The following PEX11B variants were observed in gnomAD, a reference collection of about 807,000 sequenced individuals.
PEX11B encodes the protein peroxisomal biogenesis factor 11 beta, also known as peroxisomal membrane protein 11B.
In PEX11B, 18 loss-of-function variants were observed where a neutral mutation model predicts 28.2. The ratio of observed to expected loss-of-function variants is 0.64; its 90% CI spans 0.44 to 0.95. The LOEUF (loss-of-function observed/expected upper bound fraction) is 0.95. Ranked by LOEUF, PEX11B falls within the 40% of genes least tolerant of loss-of-function variation. The probability of loss-of-function intolerance (pLI) is 0.00; values close to 1 mark genes in which losing one functional copy is unlikely to be tolerated. For missense variants in PEX11B, 305 were observed against 319.8 expected, an observed-to-expected ratio of 0.95 and a Z score of 0.35; for synonymous variants, 128 against 128.7, an observed-to-expected ratio of 0.99 and a Z score of 0.04.
chr1:145,914,542 T>C (rs2101859279), intron 3 of PEX11B, among the ~76,000 whole-genome samples: 1 of 152,344 alleles, frequency 6.6e-6, no homozygotes, highest in East Asian at 1.9e-4. Flanking sequence ...ATCATTATGC[T>C]CCAACCATGT....
intron 2 of PEX11B, 137 bp downstream of exon 2, chr1:145,917,564 A>G (rs1336252843): frequency 6.2e-6 from 4 of 647,818 alleles, no homozygotes; most frequent in East Asian, 2.6e-5. Context: ...TCTTATCTCA[A>G]CTGGACTCAT....
rs1553754289 is a variant in PEX11B at position 145,918,412 on chromosome 1, C to T, written c.56+221G>A. ...TGGACACAGCAACCCTGAGCGGCCT[C>T]CCCGCTGGCCCACTCATGCCTCAGT... is the stretch of plus-strand genomic sequence containing the variant. On this transcript the variant is annotated intron_variant, in intron 1 of 3. Coordinates refer to ENST00000369306, the MANE Select transcript of PEX11B (RefSeq NM_003846.3). 2.6e-6 allele frequency: 4 copies of T among 1,536,150 alleles called. No individual in the cohort carries two copies. In the South Asian group the frequency reaches 4.8e-5, roughly 18 times the overall value.
rs374655180 is a variant in PEX11B at position 145,912,180 on chromosome 1, C to T, written c.761G>A (p.Trp254Ter). ...ILSILTLIYP[W>*]LRLKP The stretch of plus-strand genomic sequence containing the variant: ...GGAAGGTCAGGGCTTGAGTCGTAGC[C>T]AGGGATAGATTAGGGTGAGAATAGA... Residue 254 changes from tryptophan to a stop codon, truncating the protein, a stop_gained, in exon 4 of 4, where the codon TGG (tryptophan) becomes TAG (stop). Coordinates refer to ENST00000369306, the MANE Select transcript of PEX11B (RefSeq NM_003846.3). LOFTEE classifies it high-confidence loss of function. 6.2e-7 allele frequency: 1 copy of T among 1,608,306 alleles called. No homozygotes were observed. The highest frequency in any genetic ancestry group is 1.1e-5 in the South Asian group (1 of 90,258).
rs1647550692 is a variant in PEX11B, at chr1:145,918,518, G to A, written c.56+115C>T. The A allele has an allele frequency of 3.2e-6, 5 of 1,539,764 alleles. No individual in the cohort carries two copies. The Admixed American group carries it at 9.8e-5, about 30-fold the overall frequency. ...CGCCTCACGGTCCGTTCGGGCCCCC[G>A]TAGCCGGAGTTGACCCTTCTTGACC... is the stretch of plus-strand genomic sequence containing the variant. On this transcript the variant is annotated intron_variant, in intron 1 of 3. Transcript: ENST00000369306.
In PEX11B at chr1:145,916,865, C is replaced by T. The variant is rs1406489908; in HGVS notation, c.326G>A (p.Gly109Glu). ...CDNVLWAGKS[G>E]LAPRVDQEKW... is the part of the protein sequence containing the mutation. ...CTCCTGATCCACACGGGGAGCCAGT[C>T]CAGACTTTCCAGCCCACAGGACATT... The change falls in exon 3 of 4, where the codon GGA becomes GAA. Residue 109 changes from glycine (G) to glutamate (E), a missense_variant. Transcript: ENST00000369306. The T allele has an allele frequency of 6.8e-6, 11 of 1,613,966 alleles. No individual in the cohort carries two copies. In the African/African-American group the frequency reaches 1.5e-4, roughly 22 times the overall value.
Position 145,912,353 on chromosome 1 carries a change from G to C in PEX11B, c.588C>G (p.Leu196=), listed in dbSNP as rs587729353. 2.5e-5 allele frequency: 40 copies of C among 1,613,444 alleles called. No homozygotes were observed. Among genetic ancestry groups the C allele is most frequent in the Non-Finnish European group, 3.0e-5 (35 of 1,179,760 alleles). Residue 196 remains leucine, a synonymous_variant, in exon 4 of 4, where the codon CTC becomes CTG. Transcript: ENST00000369306. ...LALKLRLQVL[L]LARVLRGHPP... is the part of the protein sequence containing the mutation. ...GATGACCTCTAAGGACTCGAGCCAG[G>C]AGCAGGACTTGCAGCCGAAGTTTCA... is the stretch of plus-strand genomic sequence containing the variant.
In PEX11B at chr1:145,918,630, C is replaced by A. The variant is rs1394565093; in HGVS notation, c.56+3G>T. ...CCCACCCCCATTCCTATTCGGGCCG[C>A]ACCTACACAGCCGCTCCCGGGCTTG... On this transcript the variant is annotated splice_donor_region_variant and intron_variant, in intron 1 of 3. Coordinates refer to ENST00000369306, the MANE Select transcript of PEX11B (RefSeq NM_003846.3). 6 of 1,593,946 alleles carry A rather than the reference C, an allele frequency of 3.8e-6. No individual in the cohort carries two copies. Among genetic ancestry groups the A allele is most frequent in the Non-Finnish European group, 3.4e-6 (4 of 1,171,358 alleles).
At chr1:145,913,147 G>A (rs1471391643) in intron 3 of PEX11B, among the ~76,000 whole-genome samples, 3 of 151,982 alleles carry the variant, frequency 2.0e-5, no homozygotes, top group African/African-American at 7.2e-5. Context: ...GTTGCCAGGG[G>A]TTGGGGAGTG....
At chr1:145,915,588 C>T (rs587756210) in intron 3 of PEX11B, among the ~76,000 whole-genome samples, 82 of 152,094 alleles carry the variant, frequency 5.4e-4, no homozygotes, top group African/African-American at 1.8e-3. Flanking sequence ...TAGGGCATCT[C>T]CTCCTCTCTT....
At chr1:145,918,072 G>A in intron 1 of PEX11B, 1 of 985,070 alleles carries the variant, frequency 1.0e-6, no homozygotes. Context: ...AGGCCTGAAG[G>A]GGCCAGTGCA....
In PEX11B at chr1:145,916,976, T is replaced by C. The variant is rs782638912; in HGVS notation, c.215A>G (p.Lys72Arg). The C allele has an allele frequency of 6.2e-7, 1 of 1,613,946 alleles. No individual in the cohort carries two copies. The highest frequency in any genetic ancestry group is 8.5e-7 in the Non-Finnish European group (1 of 1,179,818). ...AACATCTGATAGGTGAACAGCTCTT[T>C]TGGCTGACTCAAGGGCATCTGCTGA... The part of the protein sequence containing the change: ...GNSADALESA[K>R]RAVHLSDVVL... The change falls in exon 3 of 4, where the codon AAA becomes AGA. Residue 72 changes from lysine (K) to arginine (R), a missense_variant. Physicochemically the swap from Lys to Arg is conservative, Grantham distance 26 (BLOSUM62 2). Transcript: ENST00000369306.
At chr1:145,918,143 G>A in intron 1 of PEX11B, 1 of 985,478 alleles carries the variant, frequency 1.0e-6, no homozygotes. Flanking sequence ...ATGAGGGGGA[G>A]GCAGACAGTT....
intron 3 of PEX11B, 40 bp downstream of exon 3, chr1:145,916,777 G>C (rs200846936): frequency 1.1e-4 from 149 of 1,401,226 alleles, no homozygotes; most frequent in Non-Finnish European, 1.5e-4. Context: ...CAATATAGAG[G>C]CTACAAAAAA....
At chr1:145,915,028 C>T (rs587747848) in intron 3 of PEX11B, among the ~76,000 whole-genome samples, 10 of 152,252 alleles carry the variant, frequency 6.6e-5, no homozygotes, top group African/African-American at 2.4e-4. Flanking sequence ...CTCAACCTCC[C>T]GAGTAGCTGG....
rs1170451230 is a variant in PEX11B at position 145,918,673 on chromosome 1, G to A, written c.16C>T (p.Arg6Cys). 5 of 1,580,394 alleles carry A rather than the reference G, an allele frequency of 3.2e-6. No homozygotes were observed. The African/African-American group carries it at 4.1e-5, about 13-fold the overall frequency. Residue 6 changes from arginine (R) to cysteine (C), a missense_variant, in exon 1 of 4, where the codon CGC becomes TGC. By Grantham distance (180) the Arg-to-Cys change is radical. Transcript: ENST00000369306. MDAWVRFSAQSQARER... is the reference protein window; with the variant it reads MDAWVCFSAQSQARER... ...CGGGCTTGGCTCTGAGCACTGAAGC[G>A]GACCCAGGCGTCCATGACAGCCGCA...
At chr1:145,913,317 A>G (rs1657889675) in intron 3 of PEX11B, among the ~76,000 whole-genome samples, 1 of 152,144 alleles carries the variant, frequency 6.6e-6, no homozygotes, top group Non-Finnish European at 1.5e-5. Context: ...TCTTACCATA[A>G]AAGAAAAAAG....
At chr1:145,916,685 A>AT in intron 3 of PEX11B, 132 bp downstream of exon 3, 1 of 653,970 alleles carries the variant, frequency 1.5e-6, no homozygotes, top group Admixed American at 2.7e-5. Context: ...GATCTAAGTG[A>AT]TTGGAAGCCA....
rs1366176211 is a variant in PEX11B at position 145,918,402 on chromosome 1, T to C, written c.56+231A>G. Reference sequence around the variant, plus strand: ...CGGTCTTATGTGGACACAGCAACCCTGAGCGGCCTCCCCGCTGGCCCACTC... The same window carrying C: ...CGGTCTTATGTGGACACAGCAACCCCGAGCGGCCTCCCCGCTGGCCCACTC... On this transcript the variant is annotated intron_variant, in intron 1 of 3. Transcript: ENST00000369306. 9.1e-6 allele frequency: 14 copies of C among 1,535,962 alleles called. No homozygotes were observed. In the Middle Eastern group the frequency reaches 5.0e-4, roughly 55 times the overall value.
At chr1:145,916,143 GCTTT>G (rs782587314) in intron 3 of PEX11B, among the ~76,000 whole-genome samples, 3 of 152,086 alleles carry the variant, frequency 2.0e-5, no homozygotes, top group Admixed American at 6.6e-5. Flanking sequence ...AATCACACTG[GCTTT>G]CTTTCTATTT....
Sources: gnomAD v4.1 joint callset for allele counts (sites outside exome capture counted in the v4.1 genomes callset) on GRCh38, gnomAD v4.1.1 for gene constraint, MANE v1.5 for transcripts, NCBI Gene and HGNC (gene_info 2026-07-23, HGNC 2026-07-21) for gene names.